The following PRKG1 variants were observed in gnomAD, a reference collection of about 807,000 sequenced individuals.
The protein encoded by PRKG1 is protein kinase cGMP-dependent 1.
A neutral mutation model predicts 88.1 loss-of-function variants in PRKG1; 35 were observed. The observed-to-expected ratio is 0.40, with a 90% CI of 0.30 to 0.53. The LOEUF (loss-of-function observed/expected upper bound fraction) is 0.53, where lower values mean the gene tolerates loss of function less well. Among genes scored for constraint, PRKG1 ranks in the 20% least tolerant of loss-of-function variants. The pLI is 0.59. For missense variants in PRKG1, 540 were observed against 839.8 expected, an observed-to-expected ratio of 0.64 and a Z score of 4.41; for synonymous variants, 303 against 292.5, an observed-to-expected ratio of 1.04 and a Z score of -0.37.
intron 2 of PRKG1, among the ~76,000 whole-genome samples, chr10:51,200,843 A>G (rs1179476525): frequency 1.3e-5 from 2 of 152,146 alleles, no homozygotes; most frequent in Non-Finnish European, 2.9e-5. Context: ...CTGAAATATC[A>G]TTTGTTCTTT....
At position 51,852,228 on chromosome 10, in the gene PRKG1, T is replaced by C. The variant is rs186783139; in HGVS notation, c.698+47538T>C. 4.3e-4 allele frequency among the ~76,000 whole-genome samples: 64 copies of C among 148,588 alleles called. No homozygotes were observed. In the East Asian group the frequency reaches 8.5e-3, roughly 20 times the overall value. ...TTTTATATGTGTATATATATATATATACACACACACACACGTCATATATAA... is the reference window on the plus strand; with the variant it reads ...TTTTATATGTGTATATATATATATACACACACACACACACGTCATATATAA... On this transcript the variant is annotated intron_variant, in intron 4 of 17. Transcript: ENST00000373980.
At chr10:51,503,266 C>T (rs1318775068) in intron 3 of PRKG1, among the ~76,000 whole-genome samples, 1 of 151,948 alleles carries the variant, frequency 6.6e-6, no homozygotes, top group Non-Finnish European at 1.5e-5. Flanking sequence ...CAGTTCTTTC[C>T]TTTTATATGT....
chr10:51,753,172 CT>C (rs200417026), intron 3 of PRKG1, among the ~76,000 whole-genome samples: 2 of 151,752 alleles, frequency 1.3e-5, no homozygotes, highest in South Asian at 2.1e-4. Flanking sequence ...AAAAATGGCA[CT>C]TTTTTTTAGT....
intron 4 of PRKG1, among the ~76,000 whole-genome samples, chr10:51,859,360 T>TC (rs1441786657): frequency 6.6e-6 from 1 of 151,678 alleles, no homozygotes; most frequent in African/African-American, 2.4e-5. Flanking sequence ...TTTCTTTTTT[T>TC]TTTTTTCTTC....
chr10:51,277,309 C>G (rs1254114413), intron 2 of PRKG1, among the ~76,000 whole-genome samples: 1 of 152,088 alleles, frequency 6.6e-6, no homozygotes, highest in African/African-American at 2.4e-5. Context: ...GTGTTCTGTT[C>G]CATTGGTCTA....
intron 3 of PRKG1, among the ~76,000 whole-genome samples, chr10:51,665,484 C>T (rs1294710450): frequency 6.6e-6 from 1 of 152,084 alleles, no homozygotes; most frequent in Non-Finnish European, 1.5e-5. Flanking sequence ...AAACTATTAT[C>T]CACCCATAGT....
chr10:51,244,045 G>A (rs1839222696), intron 2 of PRKG1, among the ~76,000 whole-genome samples: 1 of 152,052 alleles, frequency 6.6e-6, no homozygotes, highest in Non-Finnish European at 1.5e-5. Context: ...TCTTTTGCAA[G>A]CAATAGAATC....
intron 2 of PRKG1, among the ~76,000 whole-genome samples, chr10:51,162,808 T>C (rs1846399047): frequency 6.6e-6 from 1 of 152,204 alleles, no homozygotes; most frequent in Non-Finnish European, 1.5e-5. Flanking sequence ...AACCTTGAAC[T>C]CCTGTGTTTA....
At chr10:51,177,343 A>G (rs1392787740) in intron 2 of PRKG1, among the ~76,000 whole-genome samples, 1 of 152,226 alleles carries the variant, frequency 6.6e-6, no homozygotes, top group African/African-American at 2.4e-5. Context: ...AACCTTATGT[A>G]AGATCTAAGT....
At chr10:51,547,061 T>A (rs1429347114) in intron 3 of PRKG1, among the ~76,000 whole-genome samples, 2 of 152,020 alleles carry the variant, frequency 1.3e-5, no homozygotes, top group East Asian at 3.9e-4. Context: ...CCTCTACCAG[T>A]GGGGCAGTAA....
intron 2 of PRKG1, among the ~76,000 whole-genome samples, chr10:51,279,282 T>C (rs1047334829): frequency 6.6e-6 from 1 of 152,238 alleles, no homozygotes; most frequent in African/African-American, 2.4e-5. Flanking sequence ...AGTTTCTTAA[T>C]CCTGAGTTCT....
chr10:51,898,192 T>C (rs1483078756), intron 4 of PRKG1, among the ~76,000 whole-genome samples: 1 of 152,144 alleles, frequency 6.6e-6, no homozygotes, highest in Non-Finnish European at 1.5e-5. Flanking sequence ...TCTGCTCAGA[T>C]CTTACCTTTA....
At chr10:51,648,059 CACACACAT>C (rs907673659) in intron 3 of PRKG1, among the ~76,000 whole-genome samples, 110 of 151,812 alleles carry the variant, frequency 7.2e-4, no homozygotes, top group Non-Finnish European at 9.3e-4. Context: ...CACACACACA[CACACACAT>C]ATGTAATGTT....
At chr10:51,282,150 G>C (rs912541877) in intron 2 of PRKG1, among the ~76,000 whole-genome samples, 11 of 140,466 alleles carry the variant, frequency 7.8e-5, no homozygotes, top group African/African-American at 2.6e-4. Flanking sequence ...GGAGGACAAA[G>C]AGAGTAAAAC....
chr10:51,286,843 A>G (rs1044556846), intron 2 of PRKG1, among the ~76,000 whole-genome samples: 1 of 152,070 alleles, frequency 6.6e-6, no homozygotes, highest in Non-Finnish European at 1.5e-5. Context: ...ATACAGAGAG[A>G]GATTGTTCAA....
intron 3 of PRKG1, among the ~76,000 whole-genome samples, chr10:51,693,687 C>T (rs575131568): frequency 6.6e-6 from 1 of 152,204 alleles, no homozygotes; most frequent in African/African-American, 2.4e-5. Context: ...CAGGTATAAG[C>T]CACCATGCCC....
rs143110032 is a variant in PRKG1, at chr10:51,974,189, C to T, written c.762+66619C>T. Reference sequence around the variant, plus strand: ...TTATTTTTGTCCCTTAGGGAAGGATCCACTTTTCTTGAGCATATTGCTACC... The same window carrying T: ...TTATTTTTGTCCCTTAGGGAAGGATTCACTTTTCTTGAGCATATTGCTACC... On this transcript the variant is annotated intron_variant, in intron 5 of 17. Coordinates refer to ENST00000373980, the MANE Select transcript of PRKG1 (RefSeq NM_006258.4). Among the ~76,000 whole-genome samples, 137 of 152,208 alleles carry T rather than the reference C, an allele frequency of 9.0e-4. 1 individual carries two copies. Among genetic ancestry groups the T allele is most frequent in the Admixed American group, 4.1e-3 (63 of 15,260 alleles).
intron 3 of PRKG1, chr10:51,698,240 C>G (rs1289986521): frequency 6.2e-7 from 1 of 1,614,186 alleles, no homozygotes; most frequent in African/African-American, 1.3e-5. Flanking sequence ...GGTCTCCATT[C>G]CTCTCCTCTC....
chr10:51,154,918 A>G (rs910105199), intron 2 of PRKG1, among the ~76,000 whole-genome samples: 3 of 152,036 alleles, frequency 2.0e-5, no homozygotes, highest in African/African-American at 7.2e-5. Flanking sequence ...ATAGAGGTCA[A>G]GTATAGAATA....
Sources: gnomAD v4.1 joint callset for allele counts (sites outside exome capture counted in the v4.1 genomes callset) on GRCh38, gnomAD v4.1.1 for gene constraint, MANE v1.5 for transcripts, NCBI Gene and HGNC (gene_info 2026-07-23, HGNC 2026-07-21) for gene names.